The following LTBP1 variants were observed in gnomAD, a reference collection of about 807,000 sequenced individuals.
LTBP1 encodes the protein latent transforming growth factor beta binding protein 1.
LTBP1 carries 129 observed loss-of-function variants against 207.6 expected under a neutral mutation model. The ratio of observed to expected loss-of-function variants is 0.62; its 90% CI spans 0.54 to 0.72. The LOEUF (loss-of-function observed/expected upper bound fraction) is 0.72. Ranked by LOEUF, LTBP1 falls within the 30% of genes least tolerant of loss-of-function variation. The probability of loss-of-function intolerance (pLI) is 0.00; values close to 1 mark genes in which losing one functional copy is unlikely to be tolerated. For synonymous variants in LTBP1, 963 were observed against 833.7 expected (o/e 1.16, Z -2.67); for missense variants, 2,281 against 2,217.2 (o/e 1.03, Z -0.58).
At chr2:33,063,568 T>A (rs1228574947) in intron 3 of LTBP1, among the ~76,000 whole-genome samples, 1 of 152,182 alleles carries the variant, frequency 6.6e-6, no homozygotes, top group African/African-American at 2.4e-5. Context: ...TAACATTTTT[T>A]AATTTTAAAT....
chr2:33,139,201 C>G (rs755366400), intron 5 of LTBP1, among the ~76,000 whole-genome samples: 16 of 151,922 alleles, frequency 1.1e-4, no homozygotes, highest in Non-Finnish European at 2.2e-4. Flanking sequence ...TGCTTACTGC[C>G]TCTTCGGCAT....
chr2:32,970,069 T>TA (rs1340555541), intron 2 of LTBP1, among the ~76,000 whole-genome samples: 1 of 152,180 alleles, frequency 6.6e-6, no homozygotes, highest in Non-Finnish European at 1.5e-5. Flanking sequence ...TATCTTCTTT[T>TA]AAAAAAATGT....
At chr2:33,293,138 C>T (rs747804735) in intron 19 of LTBP1, 22 bp from the exon 20 acceptor site, 20 of 1,599,808 alleles carry the variant, frequency 1.3e-5, no homozygotes, top group Non-Finnish European at 1.7e-5. Context: ...TTTGTTCTTT[C>T]CATTACGCAA....
chr2:33,034,139 G>A (rs1573212590), intron 3 of LTBP1, among the ~76,000 whole-genome samples: 1 of 151,610 alleles, frequency 6.6e-6, no homozygotes, highest in East Asian at 1.9e-4. Flanking sequence ...CCTTAGCAGC[G>A]TTCTGGATTG....
intron 3 of LTBP1, among the ~76,000 whole-genome samples, chr2:33,084,083 A>G (rs2078608212): frequency 6.6e-6 from 1 of 152,176 alleles, no homozygotes; most frequent in African/African-American, 2.4e-5. Context: ...CATTCCATTT[A>G]AAGGGTAAGC....
At position 32,968,458 on chromosome 2, in the gene LTBP1, G is replaced by A. The variant is rs144383909; in HGVS notation, c.565+19513G>A. Among the ~76,000 whole-genome samples the A allele has an allele frequency of 3.0e-3, 456 of 152,242 alleles. 5 individuals are homozygous for A. Among genetic ancestry groups the A allele is most frequent in the African/African-American group, 0.011 (437 of 41,534 alleles). ...AGCTATTTCTGCTTTCTTTTGGTTA[G>A]TGTTAGCATGATATTTATTTTTTCA... On this transcript the variant is annotated intron_variant, in intron 2 of 33. Transcript: ENST00000404816.
intron 2 of LTBP1, among the ~76,000 whole-genome samples, chr2:32,962,489 A>G (rs760468659): frequency 1.3e-5 from 2 of 152,204 alleles, no homozygotes; most frequent in South Asian, 2.1e-4. Flanking sequence ...TTCTCTTTAT[A>G]TACAATAGAC....
At chr2:33,132,088 T>C (rs1250672477) in intron 4 of LTBP1, among the ~76,000 whole-genome samples, 2 of 152,254 alleles carry the variant, frequency 1.3e-5, no homozygotes, top group Non-Finnish European at 2.9e-5. Context: ...ACACGGATTC[T>C]AATTTCATGA....
chr2:33,204,851 A>C (rs937354802), intron 7 of LTBP1, among the ~76,000 whole-genome samples: 2 of 152,234 alleles, frequency 1.3e-5, no homozygotes, highest in Non-Finnish European at 2.9e-5. Flanking sequence ...TATGTCTCCC[A>C]TTTATTTATG....
chr2:33,195,669 A>G (rs576218138), intron 7 of LTBP1, among the ~76,000 whole-genome samples: 1 of 152,340 alleles, frequency 6.6e-6, no homozygotes, highest in African/African-American at 2.4e-5. Context: ...AAATGACAAC[A>G]ATGGATTTAG....
At position 33,257,426 on chromosome 2, in the gene LTBP1, T is replaced by A; in HGVS notation, c.2310T>A (p.His770Gln). The part of the protein sequence containing the change: ...KNTQPVAKST[H>Q]PPPLPAKEEP... ...CTCAACCTGTTGCTAAAAGTACTCATCCTCCACCTCTCCCAGCCAAGGAAG... is the reference window on the plus strand; with the variant it reads ...CTCAACCTGTTGCTAAAAGTACTCAACCTCCACCTCTCCCAGCCAAGGAAG... The change falls in exon 12 of 34, where the codon CAT becomes CAA. Residue 770 changes from histidine to glutamine, a missense_variant. Around this residue, in one of 3 missense-constraint regions of LTBP1, gnomAD observed 1,671 missense variants for 1,634.8 expected, o/e 1.02. Coordinates refer to ENST00000404816, the MANE Select transcript of LTBP1 (RefSeq NM_206943.4). The A allele has an allele frequency of 6.2e-7, 1 of 1,614,192 alleles. No individual in the cohort carries two copies. Among genetic ancestry groups the A allele is most frequent in the Non-Finnish European group, 8.5e-7 (1 of 1,180,024 alleles).
At chr2:33,252,904 A>C in intron 11 of LTBP1, 60 bp downstream of exon 11, 1 of 1,391,614 alleles carries the variant, frequency 7.2e-7, no homozygotes, top group Non-Finnish European at 9.5e-7. Context: ...ACACGGGACA[A>C]CTTTGGCACC....
At chr2:33,052,072 G>A (rs1021181260) in intron 3 of LTBP1, among the ~76,000 whole-genome samples, 1 of 152,210 alleles carries the variant, frequency 6.6e-6, no homozygotes, top group African/African-American at 2.4e-5. Flanking sequence ...TGGTCTCATA[G>A]CTGTGCCTTG....
chr2:33,187,091 T>A lies in LTBP1; in HGVS notation c.1426+11T>A. ...AGCAAGGAGTCAAAGGTAAGCTTTT[T>A]TCATTCCGCCCATTTGCCAGACCTC... is the stretch of plus-strand genomic sequence containing the variant. On this transcript the variant is annotated intron_variant, in intron 6 of 33. Coordinates refer to ENST00000404816, the MANE Select transcript of LTBP1 (RefSeq NM_206943.4). 1.2e-6 allele frequency: 2 copies of A among 1,611,614 alleles called. No individual in the cohort carries two copies. Among genetic ancestry groups the A allele is most frequent in the Non-Finnish European group, 8.5e-7 (1 of 1,178,030 alleles).
chr2:33,252,594 T>C, intron 10 of LTBP1, 83 bp from the exon 11 acceptor site: 1 of 1,302,208 alleles, frequency 7.7e-7, no homozygotes, highest in South Asian at 1.5e-5. Context: ...AATTCATACC[T>C]TAGGGTTCAT....
chr2:33,174,808 G>A (rs907201848), intron 5 of LTBP1, among the ~76,000 whole-genome samples: 1 of 151,980 alleles, frequency 6.6e-6, no homozygotes, highest in Admixed American at 6.6e-5. Context: ...CCAAAACAGA[G>A]ATATAGATCA....
At chr2:33,390,476 G>A (rs540929219) in intron 32 of LTBP1, among the ~76,000 whole-genome samples, 50 of 151,740 alleles carry the variant, frequency 3.3e-4, no homozygotes, top group African/African-American at 1.1e-3. Context: ...CCATCCTCAC[G>A]TGTAGCTTCA....
intron 23 of LTBP1, among the ~76,000 whole-genome samples, chr2:33,314,409 G>A (rs1486718558): frequency 6.6e-6 from 1 of 152,080 alleles, no homozygotes; most frequent in East Asian, 1.9e-4. Context: ...AAATTTGCCA[G>A]GCATGGGGCC....
chr2:33,357,992 A>AC (rs1270299246), intron 26 of LTBP1, among the ~76,000 whole-genome samples: 1 of 152,182 alleles, frequency 6.6e-6, no homozygotes, highest in Non-Finnish European at 1.5e-5. Context: ...ATATTTACTG[A>AC]CCAGAGTTTT....
Sources: allele counts gnomAD v4.1 joint callset (sites outside exome capture counted in the v4.1 genomes callset), GRCh38; gene constraint gnomAD v4.1.1; regional missense constraint gnomAD v4.1.1; transcripts MANE v1.5; gene names NCBI Gene and HGNC (gene_info 2026-07-23, HGNC 2026-07-21).